The following SEC63 variants were observed in gnomAD, a reference collection of about 807,000 sequenced individuals.
SEC63 encodes the protein SEC63 protein translocation regulator, also known as translocation protein SEC63 homolog.
A neutral mutation model predicts 116.2 loss-of-function variants in SEC63; 56 were observed. The ratio of observed to expected loss-of-function variants is 0.48; its 90% CI spans 0.39 to 0.60. The LOEUF is 0.60. SEC63 is among the 20% of genes least tolerant of loss of function. The pLI is 0.00. For synonymous variants in SEC63, 273 were observed against 294.6 expected (o/e 0.93, Z 0.75); for missense variants, 668 against 900.0 (o/e 0.74, Z 3.30).
intron 1 of SEC63, among the ~76,000 whole-genome samples, chr6:107,953,886 G>T (rs1489405524): frequency 6.6e-6 from 1 of 151,716 alleles, no homozygotes; most frequent in Non-Finnish European, 1.5e-5. Flanking sequence ...GGTCCGGGAG[G>T]TGAGGGGCGC....
At position 107,937,123 on chromosome 6, in the gene SEC63, A is replaced by ATTTTTTTTT. The variant is rs3062082; in HGVS notation, c.125-7618_125-7610dup. Among the ~76,000 whole-genome samples the ATTTTTTTTT allele has an allele frequency of 2.1e-3, 269 of 129,874 alleles. 9 individuals carry two copies. The highest frequency in any genetic ancestry group is 8.1e-3 in the Middle Eastern group (2 of 246). 85.2% of individuals were successfully genotyped at this position (129,874 alleles called of 152,430 possible). Reference sequence around the variant, plus strand: ...GTATTCTACAGTGTATATGTACCACATTTTTTTTTTTTTTTTGAGACAGAG... The same window carrying ATTTTTTTTT: ...GTATTCTACAGTGTATATGTACCACATTTTTTTTTTTTTTTTTTTTTTTTTGAGACAGAG... On this transcript the variant is annotated intron_variant, in intron 1 of 20. Transcript: ENST00000369002.
chr6:107,920,988 A>G (rs1787543161), intron 4 of SEC63, among the ~76,000 whole-genome samples: 1 of 152,232 alleles, frequency 6.6e-6, no homozygotes, highest in Non-Finnish European at 1.5e-5. Flanking sequence ...TTGTGAAGAC[A>G]GTTTCTGAGC....
Position 107,871,395 on chromosome 6 carries a change from G to A in SEC63, c.*309C>T. ...GTTTCCTGCATCTTTACTTTTACTG[G>A]GACCATAGACTGATCAGATAATACA... On this transcript the variant is annotated 3_prime_UTR_variant, in exon 21 of 21. Coordinates refer to ENST00000369002, the MANE Select transcript of SEC63 (RefSeq NM_007214.5). 1 of 285,456 alleles carries A rather than the reference G, an allele frequency of 3.5e-6. No individual in the cohort carries two copies. The highest frequency in any genetic ancestry group is 6.7e-6 in the Non-Finnish European group (1 of 148,502). 17.7% of individuals were successfully genotyped at this position (285,456 alleles called of 1,614,324 possible).
chr6:107,911,430 G>T, intron 6 of SEC63, 34 bp from the exon 7 acceptor site: 1 of 1,444,064 alleles, frequency 6.9e-7, no homozygotes, highest in Non-Finnish European at 9.7e-7. Flanking sequence ...TATGGCCTTC[G>T]TCAGGTAAAT....
rs1412309344 is a variant in SEC63, at chr6:107,895,111, T to C, written c.1441-1214A>G. Among the ~76,000 whole-genome samples the C allele has an allele frequency of 2.6e-5, 4 of 152,354 alleles. No homozygotes were observed. The East Asian group carries it at 7.7e-4, about 29-fold the overall frequency. On this transcript the variant is annotated intron_variant, in intron 14 of 20. Transcript: ENST00000369002. ...CTTGATTACTCCAAGGTACAGTTCA[T>C]ACAAGAATGGGAAGATAAAAACAAT...
chr6:107,874,595 C>CAA (rs35096526), intron 19 of SEC63, among the ~76,000 whole-genome samples: 695 of 64,422 alleles, frequency 0.011, 10 homozygotes, highest in African/African-American at 0.035. Flanking sequence ...GACTCTGTCT[C>CAA]AAAAAAAAAA....
intron 16 of SEC63, among the ~76,000 whole-genome samples, chr6:107,884,518 T>C (rs1786485155): frequency 6.6e-6 from 1 of 151,916 alleles, no homozygotes; most frequent in Admixed American, 6.6e-5. Context: ...TTTGCTAAAA[T>C]CAATAAGAAA....
At chr6:107,900,438 T>C (rs181218836) in intron 13 of SEC63, among the ~76,000 whole-genome samples, 178 of 152,076 alleles carry the variant, frequency 1.2e-3, no homozygotes, top group African/African-American at 4.1e-3. Context: ...GCCCAGAAGC[T>C]CGTGACCAGC....
At chr6:107,883,271 T>A (rs1028803755) in intron 16 of SEC63, 125 bp from the exon 17 acceptor site, 3 of 1,178,180 alleles carry the variant, frequency 2.5e-6, no homozygotes, top group African/African-American at 1.5e-5. Flanking sequence ...ACTATTCATA[T>A]ACAATTTTTT....
chr6:107,910,087 G>GA (rs1230352086), intron 7 of SEC63, among the ~76,000 whole-genome samples: 1 of 152,096 alleles, frequency 6.6e-6, no homozygotes, highest in Non-Finnish European at 1.5e-5. Flanking sequence ...AGATTTTAAA[G>GA]AAAAAACACC....
intron 1 of SEC63, chr6:107,957,090 T>C (rs1395982291): frequency 6.6e-6 from 1 of 152,040 alleles, no homozygotes; most frequent in Admixed American, 6.6e-5. Context: ...AAGTGAAATA[T>C]GAAAAGAATC....
intron 5 of SEC63, 65 bp from the exon 6 acceptor site, chr6:107,912,839 T>A: frequency 8.7e-7 from 1 of 1,151,792 alleles, no homozygotes; most frequent in Non-Finnish European, 1.3e-6. Flanking sequence ...ATACATTAAA[T>A]ATATTTGGGA....
chr6:107,924,774 T>C, intron 3 of SEC63, 44 bp downstream of exon 3: 1 of 907,020 alleles, frequency 1.1e-6, no homozygotes, highest in Non-Finnish European at 1.9e-6. Flanking sequence ...AGCATTTTCA[T>C]GGGACCATTA....
intron 19 of SEC63, among the ~76,000 whole-genome samples, chr6:107,875,776 C>A (rs956985979): frequency 1.3e-5 from 2 of 152,096 alleles, no homozygotes; most frequent in African/African-American, 4.8e-5. Context: ...CAATGATATT[C>A]AAAATGTCTG....
At chr6:107,944,755 C>A (rs972368472) in intron 1 of SEC63, among the ~76,000 whole-genome samples, 40 of 152,112 alleles carry the variant, frequency 2.6e-4, no homozygotes, top group Non-Finnish European at 4.7e-4. Context: ...ATTTTGGAGT[C>A]TGTGCATTAG....
chr6:107,950,508 C>G (rs1422937974), intron 1 of SEC63, among the ~76,000 whole-genome samples: 1 of 152,166 alleles, frequency 6.6e-6, no homozygotes, highest in African/African-American at 2.4e-5. Context: ...GCAGGATAGA[C>G]TATATGTTAA....
At chr6:107,910,708 T>TATGTCATACATATATACAC (rs1787262886) in intron 7 of SEC63, among the ~76,000 whole-genome samples, 1 of 151,880 alleles carries the variant, frequency 6.6e-6, no homozygotes, top group Non-Finnish European at 1.5e-5. Context: ...CATATATACA[T>TATGTCATACATATATACAC]ACACACATAT....
intron 17 of SEC63, among the ~76,000 whole-genome samples, chr6:107,882,252 T>C (rs1786429999): frequency 6.6e-6 from 1 of 152,176 alleles, no homozygotes; most frequent in Non-Finnish European, 1.5e-5. Flanking sequence ...CAATCCCTTT[T>C]TATCTCCCAA....
intron 18 of SEC63, among the ~76,000 whole-genome samples, chr6:107,879,018 C>T (rs79911775): frequency 0.045 from 6,871 of 152,154 alleles, 475 homozygotes; most frequent in African/African-American, 0.16. Flanking sequence ...CCATTCTTAA[C>T]GCATTAAATA....
Sources: allele counts gnomAD v4.1 joint callset (sites outside exome capture counted in the v4.1 genomes callset), GRCh38; gene constraint gnomAD v4.1.1; transcripts MANE v1.5; gene names NCBI Gene and HGNC (gene_info 2026-07-23, HGNC 2026-07-21).